The following SMG7 variants were observed in gnomAD, a reference collection of about 807,000 sequenced individuals.
SMG7 encodes SMG7 nonsense mediated mRNA decay factor.
A neutral mutation model predicts 148.2 loss-of-function variants in SMG7; 34 were observed. The observed-to-expected ratio is 0.23, with a 90% CI of 0.17 to 0.31. The LOEUF (loss-of-function observed/expected upper bound fraction) is 0.31, where lower values mean the gene tolerates loss of function less well. Ranked by LOEUF, SMG7 falls within the 10% of genes least tolerant of loss-of-function variation. SMG7 has a pLI of 1.00. For synonymous variants in SMG7, 492 were observed against 515.1 expected, an observed-to-expected ratio of 0.96 and a Z score of 0.61; for missense variants, 1,114 against 1,408.4, an observed-to-expected ratio of 0.79 and a Z score of 3.35.
At chr1:183,479,618 A>G (rs1653571678) in intron 1 of SMG7, among the ~76,000 whole-genome samples, 2 of 152,172 alleles carry the variant, frequency 1.3e-5, no homozygotes, top group Non-Finnish European at 1.5e-5. Flanking sequence ...ACATTTGTAC[A>G]TATTTTAATT....
intron 19 of SMG7, 73 bp from the exon 20 acceptor site, chr1:183,549,691 T>C: frequency 8.0e-7 from 1 of 1,246,320 alleles, no homozygotes; most frequent in Non-Finnish European, 1.2e-6. Flanking sequence ...CAAGCATCCA[T>C]GAACAAGACA....
Position 183,552,872 on chromosome 1 carries a change from T to G in SMG7, c.*941T>G. The G allele has an allele frequency of 6.9e-7, 1 of 1,440,676 alleles. No individual in the cohort carries two copies. Among genetic ancestry groups the G allele is most frequent in the Non-Finnish European group, 9.1e-7 (1 of 1,101,798 alleles). 89.2% of individuals were successfully genotyped at this position (1,440,676 alleles called of 1,614,324 possible). The stretch of plus-strand genomic sequence containing the variant: ...CTTTGGTTGGTTTTTGTGCCCCCAT[T>G]CTACTTCCCACCCTCCTGCCCCATC... On this transcript the variant is annotated 3_prime_UTR_variant, in exon 23 of 23. Transcript: ENST00000688051.
chr1:183,546,084 T>C lies in SMG7; in HGVS notation c.2489T>C (p.Leu830Pro), dbSNP rs1669876089. The C allele has an allele frequency of 6.2e-7, 1 of 1,613,986 alleles. No homozygotes were observed. Among genetic ancestry groups the C allele is most frequent in the Non-Finnish European group, 8.5e-7 (1 of 1,179,974 alleles). ...CTTCAGACCCAAGACCCCATAAAAC[T>C]GTTTGAGCCGTCATTGCAACCTCCT... is the stretch of plus-strand genomic sequence containing the variant. ...YYLQTQDPIK[L>P]FEPSLQPPVM... The change falls in exon 17 of 23, where the codon CTG (leucine) becomes CCG (proline). Residue 830 changes from leucine to proline, a missense_variant. Physicochemically the swap from Leu to Pro is moderately conservative, Grantham distance 98. Transcript: ENST00000688051.
At chr1:183,486,883 C>T (rs991141892) in intron 1 of SMG7, among the ~76,000 whole-genome samples, 3 of 152,102 alleles carry the variant, frequency 2.0e-5, no homozygotes, top group Non-Finnish European at 4.4e-5. Context: ...TTTTTTTCTT[C>T]GTAGAGATGG....
intron 10 of SMG7, among the ~76,000 whole-genome samples, 188 bp from the exon 11 acceptor site, chr1:183,536,957 G>A (rs183367944): frequency 2.6e-4 from 39 of 152,088 alleles, no homozygotes; most frequent in African/African-American, 9.4e-4. Flanking sequence ...TGTCCCTTTT[G>A]TTGTATCTTT....
intron 1 of SMG7, chr1:183,501,171 A>G (rs1410677083): frequency 1.3e-5 from 2 of 152,226 alleles, no homozygotes; most frequent in Non-Finnish European, 2.9e-5. Flanking sequence ...GATAATGACA[A>G]TAATGGCCAA....
At position 183,495,583 on chromosome 1, in the gene SMG7, A is replaced by C. The variant is rs137992328; in HGVS notation, c.30-17254A>C. 3.2e-3 allele frequency among the ~76,000 whole-genome samples: 494 copies of C among 152,276 alleles called. 7 individuals are homozygous for C. The highest frequency in any genetic ancestry group is 0.011 in the African/African-American group (455 of 41,556). On this transcript the variant is annotated intron_variant, in intron 1 of 22. Transcript: ENST00000688051. ...TGTGTCTTATGCTGTTCAAAAAGGC[A>C]AACTGGGCCAAGCGAGGTGGCTCAC...
chr1:183,518,199 C>CA (rs893099065), intron 4 of SMG7, among the ~76,000 whole-genome samples: 1 of 152,022 alleles, frequency 6.6e-6, no homozygotes, highest in Non-Finnish European at 1.5e-5. Flanking sequence ...CCGCCCACCT[C>CA]AGCCTACCAA....
At chr1:183,529,820 C>T (rs1666547518) in intron 8 of SMG7, among the ~76,000 whole-genome samples, 1 of 152,066 alleles carries the variant, frequency 6.6e-6, no homozygotes, top group Non-Finnish European at 1.5e-5. Flanking sequence ...GAAACTACTA[C>T]TACTTTTGAT....
chr1:183,514,216 C>CAAAAA (rs36125833), intron 2 of SMG7, among the ~76,000 whole-genome samples: 1 of 99,132 alleles, frequency 1.0e-5, no homozygotes, highest in Non-Finnish European at 2.3e-5. Context: ...GTGAAATTCA[C>CAAAAA]AAAAAAAAAA....
Position 183,526,180 on chromosome 1 carries a change from G to C in SMG7, c.313-416G>C, listed in dbSNP as rs925869314. Among the ~76,000 whole-genome samples, 4 of 144,554 alleles carry C rather than the reference G, an allele frequency of 2.8e-5. No homozygotes were observed. The Admixed American group carries it at 2.8e-4, about 10-fold the overall frequency. 94.8% of individuals were successfully genotyped at this position (144,554 alleles called of 152,430 possible). The stretch of plus-strand genomic sequence containing the variant: ...TATTTTTTTTTTTGGAGACAGTCTT[G>C]CTCTCTCACCCAGGCTGGAGTGCAG... On this transcript the variant is annotated intron_variant, in intron 4 of 22. Coordinates refer to ENST00000688051, the MANE Select transcript of SMG7 (RefSeq NM_001375584.1).
intron 1 of SMG7, among the ~76,000 whole-genome samples, chr1:183,494,463 C>G (rs1407059970): frequency 1.3e-5 from 2 of 149,104 alleles, no homozygotes; most frequent in African/African-American, 2.4e-5. Context: ...TTTACTATTT[C>G]TGGCACTCGT....
At chr1:183,549,018 G>A (rs1177908099) in intron 18 of SMG7, 190 bp from the exon 19 acceptor site, 45 of 587,092 alleles carry the variant, frequency 7.7e-5, no homozygotes, top group Non-Finnish European at 1.3e-4. Context: ...AGGATTCTAT[G>A]CACCTGTGGC....
chr1:183,473,380 A>C (rs192105754), intron 1 of SMG7, among the ~76,000 whole-genome samples: 4 of 151,660 alleles, frequency 2.6e-5, no homozygotes, highest in Admixed American at 1.3e-4. Context: ...GGTGTAAGGA[A>C]CTTGTATGTC....
intron 13 of SMG7, among the ~76,000 whole-genome samples, chr1:183,541,481 G>A (rs1170748128): frequency 2.0e-5 from 3 of 152,184 alleles, no homozygotes; most frequent in Non-Finnish European, 4.4e-5. Flanking sequence ...GACCAAGATC[G>A]TGCTAGTAGC....
rs142868390 is a variant in SMG7, at chr1:183,495,636, C to T, written c.30-17201C>T. Among the ~76,000 whole-genome samples, 349 of 152,142 alleles carry T rather than the reference C, an allele frequency of 2.3e-3. 2 individuals carry two copies. The highest frequency in any genetic ancestry group is 8.1e-3 in the African/African-American group (336 of 41,518). On this transcript the variant is annotated intron_variant, in intron 1 of 22. Transcript: ENST00000688051. ...CCCTAATCCCAGCACTTTGGGAGGC[C>T]GAGTCGGGCGGATCATGAGGTCAGG...
intron 4 of SMG7, among the ~76,000 whole-genome samples, chr1:183,519,403 T>C (rs551473640): frequency 6.6e-6 from 1 of 151,708 alleles, no homozygotes; most frequent in African/African-American, 2.4e-5. Flanking sequence ...GAGAGAGGGA[T>C]TGGTCCTTAA....
At chr1:183,488,597 A>G (rs573882370) in intron 1 of SMG7, among the ~76,000 whole-genome samples, 15 of 151,966 alleles carry the variant, frequency 9.9e-5, no homozygotes, top group African/African-American at 3.4e-4. Context: ...AGTGACTGCC[A>G]TATTGGATAG....
chr1:183,529,179 G>A (rs1302709885), intron 7 of SMG7, 137 bp downstream of exon 7: 2 of 978,548 alleles, frequency 2.0e-6, no homozygotes, highest in African/African-American at 3.3e-5. Context: ...TTCATAATTT[G>A]TGTATAGTCA....
Sources: gnomAD v4.1 joint callset for allele counts (sites outside exome capture counted in the v4.1 genomes callset) on GRCh38, gnomAD v4.1.1 for gene constraint, MANE v1.5 for transcripts, NCBI Gene and HGNC (gene_info 2026-07-23, HGNC 2026-07-21) for gene names.